The following MCM3 variants were observed in gnomAD, a reference collection of about 807,000 sequenced individuals.
The protein encoded by MCM3 is DNA replication licensing factor MCM3.
In MCM3, 59 loss-of-function variants were observed where a neutral mutation model predicts 91.3. That is an observed-to-expected ratio of 0.65 (90% CI 0.52 to 0.80). The LOEUF is 0.80. Ranked by LOEUF, MCM3 falls within the 30% of genes least tolerant of loss-of-function variation. The pLI is 0.00. For synonymous variants in MCM3, 383 were observed against 379.6 expected (o/e 1.01, Z -0.10); for missense variants, 919 against 1,035.4 (o/e 0.89, Z 1.54).
intron 16 of MCM3, chr6:52,265,200 T>A (rs1221641322): frequency 2.8e-6 from 1 of 357,028 alleles, no homozygotes; most frequent in African/African-American, 2.2e-5. Flanking sequence ...ATGTCTATCA[T>A]CAGAGAATTT....
In MCM3 at chr6:52,267,629, G is replaced by A. The variant is rs115726409; in HGVS notation, c.2072+236C>T. On this transcript the variant is annotated intron_variant, in intron 14 of 16. Coordinates refer to ENST00000596288, the MANE Select transcript of MCM3 (RefSeq NM_002388.6). ...TGCAACCTCTGCCTCCCAGGCTCAA[G>A]CAATCCTCCGACCCCAGCCTACCGA... Among the ~76,000 whole-genome samples, 1,326 of 151,076 alleles carry A rather than the reference G, an allele frequency of 8.8e-3. 20 individuals are homozygous for A. The highest frequency in any genetic ancestry group is 0.031 in the African/African-American group (1,262 of 41,062).
rs1299218086 is a variant in MCM3 at position 52,276,425 on chromosome 6, AC to A, written c.1216del (p.Val406PhefsTer20). 6.2e-7 allele frequency: 1 copy of A among 1,614,064 alleles called. No individual in the cohort carries two copies. The highest frequency in any genetic ancestry group is 1.3e-5 in the African/African-American group (1 of 74,906). Reference sequence around the variant, plus strand: ...CATTTTGTCAAATTCATCAATGCAAACCACGCCTCGGTCAGCCAGGACCATG... The same window carrying A: ...CATTTTGTCAAATTCATCAATGCAAACACGCCTCGGTCAGCCAGGACCATG... ...GAMVLADRGV[V>X]CIDEFDKMSD... On this transcript the variant is annotated frameshift_variant, in exon 9 of 17. Coordinates refer to ENST00000596288, the MANE Select transcript of MCM3 (RefSeq NM_002388.6). LOFTEE classifies it high-confidence loss of function.
intron 10 of MCM3, 111 bp downstream of exon 10, chr6:52,273,631 C>T: frequency 8.6e-7 from 1 of 1,159,844 alleles, no homozygotes; most frequent in Non-Finnish European, 1.2e-6. Context: ...GAGGGCTCTT[C>T]AACATCAACC....
chr6:52,275,742 G>T (rs1466339683), intron 9 of MCM3, among the ~76,000 whole-genome samples: 1 of 152,058 alleles, frequency 6.6e-6, no homozygotes, highest in Non-Finnish European at 1.5e-5. Context: ...TTTTTAAAAG[G>T]AAAAACTCAA....
chr6:52,269,609 T>A (rs1202102015), intron 12 of MCM3, among the ~76,000 whole-genome samples: 1 of 152,190 alleles, frequency 6.6e-6, no homozygotes, highest in Non-Finnish European at 1.5e-5. Context: ...TGGAGAAGTT[T>A]TATACATGAA....
At chr6:52,267,822 T>C in intron 14 of MCM3, 43 bp downstream of exon 14, 1 of 788,048 alleles carries the variant, frequency 1.3e-6, no homozygotes, top group East Asian at 2.7e-5. Context: ...CCCCAACTTC[T>C]TGGCCACTAA....
rs1434751947 is a variant in MCM3 at position 52,264,525 on chromosome 6, G to GA, written c.*62dup. The stretch of plus-strand genomic sequence containing the variant: ...AGTAGAGGCAAAGACTTGGGTCAGG[G>GA]AGAGGGTGGGAAACACAGAACAAAC... On this transcript the variant is annotated 3_prime_UTR_variant, in exon 17 of 17. Transcript: ENST00000596288. 1.3e-6 allele frequency: 2 copies of GA among 1,567,682 alleles called. No individual in the cohort carries two copies. The highest frequency in any genetic ancestry group is 4.5e-5 in the East Asian group (2 of 44,612).
intron 1 of MCM3, 30 bp downstream of exon 1, chr6:52,284,567 C>G: frequency 2.5e-6 from 4 of 1,577,728 alleles, no homozygotes; most frequent in Non-Finnish European, 3.4e-6. Context: ...GCTCCGAGCG[C>G]TAGAGCCCGC....
At chr6:52,270,518 T>C (rs1447646683) in intron 12 of MCM3, among the ~76,000 whole-genome samples, 1 of 152,128 alleles carries the variant, frequency 6.6e-6, no homozygotes, top group Non-Finnish European at 1.5e-5. Flanking sequence ...CATCAAATCT[T>C]GTAATAATTT....
chr6:52,273,826 T>C lies in MCM3; in HGVS notation c.1465A>G (p.Met489Val), dbSNP rs142094741. The C allele has an allele frequency of 5.0e-6, 8 of 1,613,894 alleles. No homozygotes were observed. Among genetic ancestry groups the C allele is most frequent in the African/African-American group, 1.3e-5 (1 of 74,914 alleles). ...FDLLFIMLDQ[M>V]DPEQDREISD... is the part of the protein sequence containing the mutation. ...ATCTCCCGATCCTGCTCAGGATCCA[T>C]CTGATCCAGCATGATGAAGAGCAAG... The change falls in exon 10 of 17, where the codon ATG becomes GTG. Residue 489 changes from methionine to valine, a missense_variant. This residue lies in a region of MCM3 where 233 missense variants were observed against 321.2 expected (regional missense o/e 0.73). Transcript: ENST00000596288.
chr6:52,277,234 C>A, intron 7 of MCM3, 36 bp from the exon 8 acceptor site: 1 of 1,594,286 alleles, frequency 6.3e-7, no homozygotes, highest in Non-Finnish European at 8.6e-7. Flanking sequence ...CTCTAGGAAA[C>A]TCCCCAGCAC....
intron 13 of MCM3, among the ~76,000 whole-genome samples, chr6:52,268,803 CAG>C (rs997511564): frequency 6.6e-6 from 1 of 152,010 alleles, no homozygotes; most frequent in Non-Finnish European, 1.5e-5. Flanking sequence ...TAGGGGTAGA[CAG>C]AGAAGCAGCT....
chr6:52,265,258 A>T (rs1764551543), intron 16 of MCM3: 1 of 432,584 alleles, frequency 2.3e-6, no homozygotes, highest in Admixed American at 2.8e-5. Flanking sequence ...CAGTCATTAA[A>T]AAGAATGAGA....
At position 52,264,576 on chromosome 6, in the gene MCM3, G is replaced by A; in HGVS notation, c.*12C>T. ...TCTCTCGGCACAACCCAAGTTCAGA[G>A]ACGAGGCCTCCTCAGATGAGGAAGA... On this transcript the variant is annotated 3_prime_UTR_variant, in exon 17 of 17. Transcript: ENST00000596288. 1 of 1,614,032 alleles carries A rather than the reference G, an allele frequency of 6.2e-7. No individual in the cohort carries two copies. The highest frequency in any genetic ancestry group is 8.5e-7 in the Non-Finnish European group (1 of 1,179,962).
At chr6:52,278,707 A>G in intron 6 of MCM3, 35 bp downstream of exon 6, 3 of 1,461,008 alleles carry the variant, frequency 2.1e-6, no homozygotes, top group South Asian at 2.3e-5. Context: ...TTAGAAATCC[A>G]TTCCCACCCT....
intron 2 of MCM3, among the ~76,000 whole-genome samples, 151 bp downstream of exon 2, chr6:52,283,138 GAAAAA>G (rs59102970): frequency 0.26 from 35,486 of 136,262 alleles, 4,263 homozygotes; most frequent in Middle Eastern, 0.36. Context: ...CCCACTTTTT[GAAAAA>G]AAAAAAAAAA....
chr6:52,264,651 A>G lies in MCM3; in HGVS notation c.2364T>C (p.Ala788=), dbSNP rs915633831. The change falls in exon 17 of 17, where the codon GCT becomes GCC. Residue 788 remains alanine (A), a synonymous_variant. Transcript: ENST00000596288. The part of the protein sequence containing the change: ...EPFSSVEIQA[A]LSKMQDDNQV... ...GATTGTCATCCTGCATCTTGCTCAG[A>G]GCAGCCTGGATCTCAACTGAAGAGA... The G allele has an allele frequency of 1.2e-6, 2 of 1,614,206 alleles. No homozygotes were observed. The highest frequency in any genetic ancestry group is 2.2e-5 in the East Asian group (1 of 44,874).
intron 12 of MCM3, among the ~76,000 whole-genome samples, chr6:52,271,064 G>T (rs942473773): frequency 6.6e-6 from 1 of 152,018 alleles, no homozygotes; most frequent in African/African-American, 2.4e-5. Flanking sequence ...TACAAAATTA[G>T]CCGGGCATGG....
intron 10 of MCM3, 59 bp from the exon 11 acceptor site, chr6:52,273,415 G>A (rs1380504810): frequency 6.3e-6 from 10 of 1,576,686 alleles, no homozygotes; most frequent in Non-Finnish European, 8.7e-6. Context: ...AGGGGAAATT[G>A]CTTCTTCTAT....
Sources: gnomAD v4.1 joint callset for allele counts (sites outside exome capture counted in the v4.1 genomes callset) on GRCh38, gnomAD v4.1.1 for gene constraint, gnomAD v4.1.1 regional missense constraint, MANE v1.5 for transcripts, NCBI Gene and HGNC (gene_info 2026-07-23, HGNC 2026-07-21) for gene names.